The following SNED1 variants were observed in gnomAD, a reference collection of about 807,000 sequenced individuals.
SNED1 encodes sushi, nidogen and EGF like domains 1.
In SNED1, 81 loss-of-function variants were observed where a neutral mutation model predicts 166.7. That is an observed-to-expected ratio of 0.49 (90% CI 0.41 to 0.58). The LOEUF (loss-of-function observed/expected upper bound fraction) is 0.58, where lower values mean the gene tolerates loss of function less well. SNED1 is among the 20% of genes least tolerant of loss of function. The pLI is 0.00. For missense variants in SNED1, 1,604 were observed against 2,000.2 expected, an observed-to-expected ratio of 0.80 and a Z score of 3.78; for synonymous variants, 762 against 822.0, an observed-to-expected ratio of 0.93 and a Z score of 1.25.
intron 1 of SNED1, among the ~76,000 whole-genome samples, chr2:241,021,464 G>A (rs2060772132): frequency 6.6e-6 from 1 of 152,144 alleles, no homozygotes; most frequent in Non-Finnish European, 1.5e-5. Flanking sequence ...ATCCACTGCA[G>A]CTCCAGACAG....
At chr2:241,063,956 T>A (rs2062329773) in intron 18 of SNED1, 56 bp from the exon 19 acceptor site, 1 of 1,290,346 alleles carries the variant, frequency 7.7e-7, no homozygotes, top group Non-Finnish European at 1.1e-6. Context: ...TGTCCTCTCC[T>A]CCCTCCCCCA....
At chr2:241,057,616 C>T (rs1007884414) in intron 16 of SNED1, among the ~76,000 whole-genome samples, 12 of 150,306 alleles carry the variant, frequency 8.0e-5, no homozygotes, top group African/African-American at 7.4e-5. Context: ...CCCAGGAATT[C>T]GAGGCTATAG....
rs566162537 is a variant in SNED1, at chr2:241,013,126, G to A, written c.213+14076G>A. On this transcript the variant is annotated intron_variant, in intron 1 of 31. Coordinates refer to ENST00000310397, the MANE Select transcript of SNED1 (RefSeq NM_001080437.3). The surrounding 1 kb of genome is among the most constrained non-coding windows in gnomAD (Gnocchi z 4.6). The stretch of plus-strand genomic sequence containing the variant: ...TGGGATTACAGGCGTGAGCCACCGC[G>A]CCCGGCCACGAGCAGTACTGTTAAC... Among the ~76,000 whole-genome samples the A allele has an allele frequency of 7.6e-4, 116 of 151,986 alleles. 1 individual carries two copies. The highest frequency in any genetic ancestry group is 2.6e-3 in the African/African-American group (108 of 41,446).
At position 241,034,707 on chromosome 2, in the gene SNED1, G is replaced by A. The variant is rs746378809; in HGVS notation, c.782G>A (p.Arg261His). ...WAFRIDDAQV[R>H]VGGCGHTTSV... Reference sequence around the variant, plus strand: ...TTCAGAATCGATGATGCCCAGGTGCGCGTGGGGGGCTGCGGCCATACAAGT... The same window carrying A: ...TTCAGAATCGATGATGCCCAGGTGCACGTGGGGGGCTGCGGCCATACAAGT... Residue 261 changes from arginine (R) to histidine (H), a missense_variant, in exon 4 of 32, where the codon CGC (arginine) becomes CAC (histidine). Physicochemically the swap from Arg to His is conservative, Grantham distance 29. Coordinates refer to ENST00000310397, the MANE Select transcript of SNED1 (RefSeq NM_001080437.3). 1.3e-5 allele frequency: 20 copies of A among 1,583,834 alleles called. No homozygotes were observed. The highest frequency in any genetic ancestry group is 1.5e-5 in the Non-Finnish European group (17 of 1,165,684).
At position 241,006,804 on chromosome 2, in the gene SNED1, A is replaced by T. The variant is rs758910306; in HGVS notation, c.213+7754A>T. Among the ~76,000 whole-genome samples, 32 of 152,308 alleles carry T rather than the reference A, an allele frequency of 2.1e-4. No homozygotes were observed. In the Middle Eastern group the frequency reaches 0.01, roughly 49 times the overall value. On this transcript the variant is annotated intron_variant, in intron 1 of 31. Coordinates refer to ENST00000310397, the MANE Select transcript of SNED1 (RefSeq NM_001080437.3). ...TGGCTGCTAAACACTAGTCTCCACT[A>T]AAAAGAACCAGGGTGCCTTGGAGAT...
intron 17 of SNED1, 167 bp from the exon 18 acceptor site, chr2:241,063,419 GA>G: frequency 1.6e-6 from 1 of 632,626 alleles, no homozygotes; most frequent in Non-Finnish European, 2.9e-6. Context: ...CACGCCTCCC[GA>G]GGAGGGGTGG....
rs2062333762 is a variant in SNED1, at chr2:241,064,017, G to C, written c.2491G>C (p.Asp831His). ...ACTCTCTGGGTGTTCTCCAGAGGTG[G>C]ACGCCTGCGACTCCAGCCCCTGCCA... ...FVGVHCETEV[D>H]ACDSSPCQHG... Residue 831 changes from aspartate to histidine, a missense_variant, in exon 19 of 32, where the codon GAC (aspartate) becomes CAC (histidine). Transcript: ENST00000310397. This position sits in a 1 kb window ranked among gnomAD's most constrained non-coding sequence, Gnocchi z 7.0. 2.6e-6 allele frequency: 4 copies of C among 1,552,830 alleles called. No homozygotes were observed. Among genetic ancestry groups the C allele is most frequent in the Non-Finnish European group, 3.5e-6 (4 of 1,148,506 alleles).
In SNED1 at chr2:241,073,450, C is replaced by T. The variant is rs138390737; in HGVS notation, c.3916+86C>T. ...GGCTGCAGGCAGGAGGGACCACCCA[C>T]GGTGAGGAATCAGGAGGCACAGAGC... is the stretch of plus-strand genomic sequence containing the variant. On this transcript the variant is annotated intron_variant, in intron 27 of 31. Coordinates refer to ENST00000310397, the MANE Select transcript of SNED1 (RefSeq NM_001080437.3). This position sits in a 1 kb window ranked among gnomAD's most constrained non-coding sequence, Gnocchi z 6.6. 9.5e-4 allele frequency: 1,055 copies of T among 1,114,368 alleles called. 7 individuals are homozygous for T. In the African/African-American group the frequency reaches 0.014, roughly 15 times the overall value. The allele number at this position is 1,114,368 out of a possible 1,614,324, so 69.0% of individuals were successfully genotyped here. A position where few individuals can be genotyped will look rare whatever the true frequency, so the allele number is the denominator to read the frequency against.
chr2:241,072,680 G>C lies in SNED1; in HGVS notation c.3818-586G>C, dbSNP rs542982986. On this transcript the variant is annotated intron_variant, in intron 26 of 31. Transcript: ENST00000310397. ...AGCAGGGGAGAGAGCCCCCAGCAAG[G>C]TGTCTGAGGAGAGGGCAGGCAGCTG... The C allele has an allele frequency of 5.6e-3, 1,152 of 204,596 alleles. 5 individuals carry two copies. The highest frequency in any genetic ancestry group is 8.2e-3 in the Non-Finnish European group (822 of 100,582). The allele number at this position is 204,596 out of a possible 1,614,324, so 12.7% of individuals were successfully genotyped here. A position where few individuals can be genotyped will look rare whatever the true frequency, so the allele number is the denominator to read the frequency against.
intron 1 of SNED1, among the ~76,000 whole-genome samples, chr2:241,019,281 G>A: frequency 6.6e-6 from 1 of 152,198 alleles, no homozygotes. Flanking sequence ...AAAATGCCAG[G>A]AGCCTGTGGA....
intron 27 of SNED1, among the ~76,000 whole-genome samples, chr2:241,078,155 C>T (rs528505147): frequency 8.1e-4 from 123 of 152,006 alleles, no homozygotes; most frequent in Non-Finnish European, 1.4e-3. Flanking sequence ...GAGGCCGAGG[C>T]GGGCAGATCA....
At chr2:241,004,470 A>AT (rs1430925017) in intron 1 of SNED1, among the ~76,000 whole-genome samples, 1 of 151,942 alleles carries the variant, frequency 6.6e-6, no homozygotes, top group African/African-American at 2.4e-5. Flanking sequence ...CTTCTTTTGG[A>AT]TTTTTAAAAA....
Position 241,069,043 on chromosome 2 carries a change from C to A in SNED1, c.3307+20C>A. ...GGACCCGTGAGTAGAGCAGCGCGGC[C>A]CCCGGCACACGAAAGGCCGTCTTCT... is the stretch of plus-strand genomic sequence containing the variant. On this transcript the variant is annotated intron_variant, in intron 23 of 31. Transcript: ENST00000310397. This position sits in a 1 kb window ranked among gnomAD's most constrained non-coding sequence, Gnocchi z 4.9. The A allele has an allele frequency of 2.0e-6, 3 of 1,505,404 alleles. No homozygotes were observed. Among genetic ancestry groups the A allele is most frequent in the Non-Finnish European group, 2.7e-6 (3 of 1,110,500 alleles). The allele number at this position is 1,505,404 out of a possible 1,614,324, so 93.3% of individuals were successfully genotyped here. A position where few individuals can be genotyped will look rare whatever the true frequency, so the allele number is the denominator to read the frequency against.
rs113361153 is a variant in SNED1, at chr2:241,087,616, G to A, written c.4205+141G>A. On this transcript the variant is annotated intron_variant, in intron 30 of 31. Coordinates refer to ENST00000310397, the MANE Select transcript of SNED1 (RefSeq NM_001080437.3). ...CGCCCAGATAGGCAGCCCCTGGGCA[G>A]CCACGTTCTGCTACGAAACTGTATG... The A allele has an allele frequency of 5.3e-3, 7,662 of 1,441,062 alleles. 21 individuals carry two copies. Among genetic ancestry groups the A allele is most frequent in the Non-Finnish European group, 6.5e-3 (7,163 of 1,096,446 alleles). The allele number at this position is 1,441,062 out of a possible 1,614,324, so 89.3% of individuals were successfully genotyped here. A position where few individuals can be genotyped will look rare whatever the true frequency, so the allele number is the denominator to read the frequency against.
In SNED1 at chr2:241,094,093, G is replaced by A; in HGVS notation, c.*2457G>A. ...CAATGGAAGAGAAAATGAAAACACT[G>A]GCACAGTGAAATGTCTCATTTCCAA... On this transcript the variant is annotated 3_prime_UTR_variant, in exon 32 of 32. Transcript: ENST00000310397. This position sits in a 1 kb window ranked among gnomAD's most constrained non-coding sequence, Gnocchi z 4.3. The A allele has an allele frequency of 2.9e-6, 1 of 348,624 alleles. No individual in the cohort carries two copies. Among genetic ancestry groups the A allele is most frequent in the Non-Finnish European group, 5.7e-6 (1 of 174,388 alleles). The allele number at this position is 348,624 out of a possible 1,614,324, so 21.6% of individuals were successfully genotyped here.
chr2:241,087,478 G>A lies in SNED1; in HGVS notation c.4205+3G>A, dbSNP rs369008078. Reference sequence around the variant, plus strand: ...AGCCTCAAGAAGACCCCAAACAGGTGCCTCTGGGGAGCAGGCCCATGCCGT... The same window carrying A: ...AGCCTCAAGAAGACCCCAAACAGGTACCTCTGGGGAGCAGGCCCATGCCGT... On this transcript the variant is annotated splice_donor_region_variant and intron_variant, in intron 30 of 31. Coordinates refer to ENST00000310397, the MANE Select transcript of SNED1 (RefSeq NM_001080437.3). 3 of 1,599,014 alleles carry A rather than the reference G, an allele frequency of 1.9e-6. No homozygotes were observed. The highest frequency in any genetic ancestry group is 2.7e-5 in the African/African-American group (2 of 74,608).
At chr2:241,063,536 G>T (rs1398481785) in intron 17 of SNED1, 51 bp from the exon 18 acceptor site, 4 of 1,229,030 alleles carry the variant, frequency 3.3e-6, no homozygotes, top group Non-Finnish European at 4.7e-6. Flanking sequence ...GGGGCATGTG[G>T]GCGCCTCAGA....
intron 1 of SNED1, among the ~76,000 whole-genome samples, chr2:241,011,885 C>A (rs1315921697): frequency 6.6e-6 from 1 of 152,230 alleles, no homozygotes; most frequent in African/African-American, 2.4e-5. Flanking sequence ...CCTGTCCTGG[C>A]TGCCCTGTCC....
rs1339421111 is a variant in SNED1, at chr2:241,048,771, G to A, written c.1504+5G>A. On this transcript the variant is annotated splice_donor_5th_base_variant and intron_variant, in intron 10 of 31. Coordinates refer to ENST00000310397, the MANE Select transcript of SNED1 (RefSeq NM_001080437.3). Reference sequence around the variant, plus strand: ...TTGGGCTTCTCTGTGAATTTGGTAGGTGCCCAGGTCACCCTTCCTGCCCTG... The same window carrying A: ...TTGGGCTTCTCTGTGAATTTGGTAGATGCCCAGGTCACCCTTCCTGCCCTG... The A allele has an allele frequency of 6.2e-7, 1 of 1,602,280 alleles. No homozygotes were observed. Among genetic ancestry groups the A allele is most frequent in the Non-Finnish European group, 8.5e-7 (1 of 1,172,766 alleles).
Sources: gnomAD v4.1 joint callset for allele counts (sites outside exome capture counted in the v4.1 genomes callset) on GRCh38, gnomAD v4.1.1 for gene constraint, Gnocchi (gnomAD v3.1) non-coding constraint, MANE v1.5 for transcripts, NCBI Gene and HGNC (gene_info 2026-07-23, HGNC 2026-07-21) for gene names.